SEMA3A: variants seen among roughly 807,000 people sequenced by gnomAD.
The protein encoded by SEMA3A is semaphorin-3A.
Under a neutral mutation model 97.9 loss-of-function variants are expected in SEMA3A, and 29 were observed. The ratio of observed to expected loss-of-function variants is 0.30; its 90% CI spans 0.22 to 0.40. SEMA3A has a LOEUF of 0.40. Ranked by LOEUF, SEMA3A falls within the 10% of genes least tolerant of loss-of-function variation. The pLI is 1.00. For missense variants in SEMA3A, 763 were observed against 951.3 expected (o/e 0.80, Z 2.60); for synonymous variants, 321 against 323.7 (o/e 0.99, Z 0.09).
intron 1 of SEMA3A, among the ~76,000 whole-genome samples, chr7:84,186,884 T>C (rs964568185): frequency 6.6e-6 from 1 of 152,180 alleles, no homozygotes; most frequent in Non-Finnish European, 1.5e-5. Context: ...TCAATCAGTA[T>C]CTTAAACAAA....
chr7:84,031,246 C>T (rs1727597137), intron 6 of SEMA3A, among the ~76,000 whole-genome samples: 1 of 151,990 alleles, frequency 6.6e-6, no homozygotes, highest in Non-Finnish European at 1.5e-5. Context: ...CTGCCTCAGC[C>T]TCCCAAATTG....
At chr7:84,203,205 G>C (rs577912451) in intron 3 of SEMA3A, among the ~76,000 whole-genome samples, 14 of 151,946 alleles carry the variant, frequency 9.2e-5, no homozygotes, top group Non-Finnish European at 2.1e-4. Context: ...TATTTTGCAA[G>C]TATTCTAGGA....
At chr7:84,433,494 C>T (rs964962403) in intron 1 of SEMA3A, among the ~76,000 whole-genome samples, 4 of 151,964 alleles carry the variant, frequency 2.6e-5, no homozygotes, top group African/African-American at 9.7e-5. Context: ...CATTTGGGTT[C>T]GTTCCAAGTC....
rs61298477 is a variant in SEMA3A at position 84,445,493 on chromosome 7, C to CAAA, written c.-246+46964_-246+46966dup. The stretch of plus-strand genomic sequence containing the variant: ...TGGGCGACAGAGTGAGACTCCATCT[C>CAAA]AAAAAAAAAAAAAAAAAAAAAAAAA... On this transcript the variant is annotated intron_variant, in intron 1 of 3. Coordinates refer to the SEMA3A transcript ENST00000424555. 5.0e-3 allele frequency among the ~76,000 whole-genome samples: 137 copies of CAAA among 27,596 alleles called. 3 individuals are homozygous for CAAA. Among genetic ancestry groups the CAAA allele is most frequent in the Non-Finnish European group, 7.4e-3 (94 of 12,700 alleles). 18.1% of individuals were successfully genotyped at this position (27,596 alleles called of 152,430 possible). A position where few individuals can be genotyped will look rare whatever the true frequency, so the allele number is the denominator to read the frequency against.
intron 4 of SEMA3A, among the ~76,000 whole-genome samples, chr7:84,101,473 C>T (rs564153509): frequency 5.9e-5 from 9 of 151,964 alleles, no homozygotes; most frequent in South Asian, 2.1e-4. Flanking sequence ...GAAAATTTAC[C>T]GTTATGTTAA....
At chr7:84,359,045 C>T (rs62472602) in intron 2 of SEMA3A, among the ~76,000 whole-genome samples, 43,612 of 151,970 alleles carry the variant, frequency 0.29, 6,727 homozygotes, top group African/African-American at 0.38. Context: ...TGGGCTGAGA[C>T]GATGGGGTTT....
intron 15 of SEMA3A, among the ~76,000 whole-genome samples, chr7:83,970,303 A>G (rs1168713182): frequency 2.0e-5 from 3 of 152,180 alleles, no homozygotes; most frequent in African/African-American, 7.2e-5. Flanking sequence ...GGAGGAAAGA[A>G]AATAGTTAAA....
chr7:83,987,704 T>A (rs1363339861), intron 12 of SEMA3A, among the ~76,000 whole-genome samples: 1 of 152,222 alleles, frequency 6.6e-6, no homozygotes, highest in African/African-American at 2.4e-5. Flanking sequence ...TTCCTCTTTC[T>A]CTCCTCTCTT....
rs147520650 is a variant in SEMA3A, at chr7:83,997,169, TG to T, written c.1452+4785del. On this transcript the variant is annotated intron_variant, in intron 12 of 16. Transcript: ENST00000265362. Reference sequence around the variant, plus strand: ...AAGATGATAATATGGTAAAACTAACTGGTTGGGTAACATTAAATGTCTTTAA... The same window carrying T: ...AAGATGATAATATGGTAAAACTAACTGTTGGGTAACATTAAATGTCTTTAA... Among the ~76,000 whole-genome samples, 151 of 152,334 alleles carry T rather than the reference TG, an allele frequency of 9.9e-4. 1 individual carries two copies. Among genetic ancestry groups the T allele is most frequent in the African/African-American group, 3.3e-3 (138 of 41,580 alleles).
At chr7:84,072,548 C>A (rs1793779488) in intron 4 of SEMA3A, among the ~76,000 whole-genome samples, 1 of 151,918 alleles carries the variant, frequency 6.6e-6, no homozygotes, top group African/African-American at 2.4e-5. Flanking sequence ...GATATGTTCA[C>A]CTTGTATTTA....
intron 3 of SEMA3A, among the ~76,000 whole-genome samples, chr7:84,277,316 A>C (rs960899886): frequency 3.9e-5 from 6 of 152,100 alleles, no homozygotes; most frequent in African/African-American, 1.4e-4. Flanking sequence ...ATATAGATGT[A>C]ATGATAGATA....
At chr7:84,289,480 C>T (rs1800686656) in intron 3 of SEMA3A, among the ~76,000 whole-genome samples, 2 of 151,778 alleles carry the variant, frequency 1.3e-5, no homozygotes, top group African/African-American at 4.8e-5. Context: ...TACTATACCC[C>T]ATAAATATGT....
chr7:84,359,946 C>T (rs1429169367), intron 2 of SEMA3A, among the ~76,000 whole-genome samples: 13 of 150,840 alleles, frequency 8.6e-5, no homozygotes, highest in Non-Finnish European at 1.0e-4. Flanking sequence ...GTAGTATTCT[C>T]TGATGGTAGT....
At chr7:84,236,864 T>A (rs1340737179) in intron 3 of SEMA3A, among the ~76,000 whole-genome samples, 1 of 152,032 alleles carries the variant, frequency 6.6e-6, no homozygotes, top group African/African-American at 2.4e-5. Flanking sequence ...TATATGTGAG[T>A]CACCTTCATG....
intron 3 of SEMA3A, among the ~76,000 whole-genome samples, chr7:84,291,887 A>C (rs759041442): frequency 5.9e-5 from 9 of 152,084 alleles, no homozygotes; most frequent in South Asian, 4.1e-4. Flanking sequence ...TGCTAAAGAA[A>C]TATCAAGCAA....
Position 83,974,003 on chromosome 7 carries a change from A to C in SEMA3A, c.1717+3129T>G, listed in dbSNP as rs1378233394. ...GGTTTATAGGTAAATTGCCTTCGTC[A>C]GTCATTTTCTTGAGTACAAAGTCAG... is the stretch of plus-strand genomic sequence containing the variant. On this transcript the variant is annotated intron_variant, in intron 15 of 16. Transcript: ENST00000265362. 2.6e-5 allele frequency among the ~76,000 whole-genome samples: 4 copies of C among 151,702 alleles called. No individual in the cohort carries two copies. In the East Asian group the frequency reaches 7.8e-4, roughly 29 times the overall value.
chr7:84,408,725 T>C (rs1408681828), intron 1 of SEMA3A, among the ~76,000 whole-genome samples: 1 of 150,610 alleles, frequency 6.6e-6, no homozygotes, highest in Non-Finnish European at 1.5e-5. Flanking sequence ...AAAAAAATGA[T>C]GAGTTCATGT....
chr7:84,246,239 G>C (rs904220307), intron 3 of SEMA3A, among the ~76,000 whole-genome samples: 1 of 152,156 alleles, frequency 6.6e-6, no homozygotes, highest in Non-Finnish European at 1.5e-5. Flanking sequence ...AGGCTATCCT[G>C]CCCAGGAATA....
chr7:84,361,956 A>G (rs1243097938), intron 2 of SEMA3A, among the ~76,000 whole-genome samples: 4 of 151,960 alleles, frequency 2.6e-5, no homozygotes. Context: ...TCTTGAAAAC[A>G]GATTATAGCT....
Sources: allele counts gnomAD v4.1 joint callset (sites outside exome capture counted in the v4.1 genomes callset), GRCh38; gene constraint gnomAD v4.1.1; transcripts MANE v1.5; gene names NCBI Gene and HGNC (gene_info 2026-07-23, HGNC 2026-07-21).